The following PCDHA3 variants were observed in gnomAD, a reference collection of about 807,000 sequenced individuals.
PCDHA3 encodes protocadherin alpha-3.
In PCDHA3, 41 loss-of-function variants were observed where a neutral mutation model predicts 62.2. The observed-to-expected ratio is 0.66, with a 90% CI of 0.51 to 0.86. PCDHA3 has a LOEUF of 0.86. PCDHA3 is among the 40% of genes least tolerant of loss of function. The probability of loss-of-function intolerance (pLI) is 0.00; values close to 1 mark genes in which losing one functional copy is unlikely to be tolerated. For synonymous variants in PCDHA3, 640 were observed against 555.4 expected, an observed-to-expected ratio of 1.15 and a Z score of -2.14; for missense variants, 1,304 against 1,241.2, an observed-to-expected ratio of 1.05 and a Z score of -0.76.
intron 1 of PCDHA3, chr5:140,857,350 G>C: frequency 6.3e-7 from 1 of 1,598,502 alleles, no homozygotes; most frequent in Non-Finnish European, 8.6e-7. Context: ...CGCCTCCGCT[G>C]TGGGCCACGG....
intron 1 of PCDHA3, among the ~76,000 whole-genome samples, chr5:140,904,934 G>A (rs1181903303): frequency 6.6e-6 from 1 of 152,110 alleles, no homozygotes; most frequent in Non-Finnish European, 1.5e-5. Context: ...GTAGGTTCTG[G>A]ATATTAGTCC....
chr5:140,805,894 A>G (rs1763647869), intron 1 of PCDHA3, among the ~76,000 whole-genome samples: 1 of 152,176 alleles, frequency 6.6e-6, no homozygotes, highest in African/African-American at 2.4e-5. Context: ...GGAAGCAAAC[A>G]TTTTCTGCAG....
At chr5:140,984,254 G>A (rs553931247) in intron 3 of PCDHA3, among the ~76,000 whole-genome samples, 1 of 152,278 alleles carries the variant, frequency 6.6e-6, no homozygotes, top group East Asian at 1.9e-4. Flanking sequence ...GACCTGGTAA[G>A]CCACAAACTA....
chr5:140,925,282 T>C (rs1371569064), intron 1 of PCDHA3, among the ~76,000 whole-genome samples: 1 of 152,184 alleles, frequency 6.6e-6, no homozygotes, highest in Admixed American at 6.5e-5. Context: ...GATTTTGCCT[T>C]TCAAATGTTT....
In PCDHA3 at chr5:140,823,396, G is replaced by T. The variant is rs17844295; in HGVS notation, c.2394+19805G>T. Reference sequence around the variant, plus strand: ...CCAGGTGAGCGCGCGCGACGCGGGCGTGCCGCCTCTGGGCAGCAACGTGAC... The same window carrying T: ...CCAGGTGAGCGCGCGCGACGCGGGCTTGCCGCCTCTGGGCAGCAACGTGAC... On this transcript the variant is annotated intron_variant, in intron 1 of 3. Transcript: ENST00000522353. 31 of 1,612,796 alleles carry T rather than the reference G, an allele frequency of 1.9e-5. No homozygotes were observed. The East Asian group carries it at 6.5e-4, about 34-fold the overall frequency.
chr5:140,858,495 G>T, intron 1 of PCDHA3: 1 of 1,481,630 alleles, frequency 6.7e-7, no homozygotes, highest in Non-Finnish European at 9.2e-7. Flanking sequence ...TTCTCTTACC[G>T]CATTTTCTCA....
At chr5:140,870,491 T>C (rs781889223) in intron 1 of PCDHA3, 10 of 1,614,076 alleles carry the variant, frequency 6.2e-6, no homozygotes, top group Non-Finnish European at 8.5e-6. Context: ...ACCGTGTTCG[T>C]GAAGGAGAAC....
chr5:140,838,352 G>A (rs908927118), intron 1 of PCDHA3, among the ~76,000 whole-genome samples: 1 of 150,310 alleles, frequency 6.7e-6, no homozygotes, highest in African/African-American at 2.5e-5. Flanking sequence ...TCGAAATCTG[G>A]GACTCAAGTG....
chr5:140,823,235 C>T (rs2150123830), intron 1 of PCDHA3: 4 of 1,613,550 alleles, frequency 2.5e-6, no homozygotes, highest in African/African-American at 1.3e-5. Context: ...CAGGAGAACG[C>T]CCTGGTGTCC....
intron 1 of PCDHA3, chr5:140,968,409 C>G: frequency 3.7e-6 from 6 of 1,614,024 alleles, no homozygotes; most frequent in South Asian, 1.1e-5. Context: ...TTCTTTGTGA[C>G]TGTGGAGGCT....
intron 2 of PCDHA3, chr5:140,982,271 G>A: frequency 1.1e-6 from 1 of 930,566 alleles, no homozygotes; most frequent in South Asian, 1.9e-5. Flanking sequence ...TCCTGGAATA[G>A]TATAGCAGGC....
At chr5:140,841,254 A>G in intron 1 of PCDHA3, 9 of 1,510,716 alleles carry the variant, frequency 6.0e-6, no homozygotes, top group Non-Finnish European at 7.1e-6. Context: ...GGATTAAAAG[A>G]CTCTGAAAGT....
intron 1 of PCDHA3, among the ~76,000 whole-genome samples, chr5:140,873,040 T>C (rs2153278087): frequency 6.6e-6 from 1 of 152,312 alleles, no homozygotes; most frequent in South Asian, 2.1e-4. Flanking sequence ...CGTAGAGTGG[T>C]GGTATTACAG....
intron 1 of PCDHA3, among the ~76,000 whole-genome samples, chr5:140,912,293 C>T (rs1231004722): frequency 6.6e-6 from 1 of 152,110 alleles, no homozygotes; most frequent in Admixed American, 6.6e-5. Flanking sequence ...AATACTTTGC[C>T]TCCTGTAATC....
chr5:140,908,399 C>T (rs180728730), intron 1 of PCDHA3, among the ~76,000 whole-genome samples: 51 of 152,258 alleles, frequency 3.3e-4, no homozygotes, highest in African/African-American at 9.9e-4. Flanking sequence ...ACATATATAC[C>T]ACTTCCATTT....
At chr5:140,826,394 A>G (rs1158338213) in intron 1 of PCDHA3, among the ~76,000 whole-genome samples, 1 of 152,202 alleles carries the variant, frequency 6.6e-6, no homozygotes, top group African/African-American at 2.4e-5. Flanking sequence ...GAACTACTAA[A>G]TAGATCCAGG....
chr5:140,963,386 A>G (rs189164274), intron 1 of PCDHA3, among the ~76,000 whole-genome samples: 2 of 152,344 alleles, frequency 1.3e-5, no homozygotes, highest in Admixed American at 1.3e-4. Flanking sequence ...CTCTGTGCCA[A>G]GCTCCCTACT....
At chr5:140,844,657 C>G (rs1252310311) in intron 1 of PCDHA3, among the ~76,000 whole-genome samples, 1 of 149,150 alleles carries the variant, frequency 6.7e-6, no homozygotes, top group South Asian at 2.1e-4. Context: ...TCTTGCAAAC[C>G]AAACATATAA....
intron 3 of PCDHA3, among the ~76,000 whole-genome samples, chr5:140,996,991 T>C (rs191353108): frequency 1.6e-4 from 25 of 152,346 alleles, no homozygotes; most frequent in African/African-American, 5.3e-4. Flanking sequence ...GCAACCACTG[T>C]TAACAATTTT....
Sources: gnomAD v4.1 joint callset for allele counts (sites outside exome capture counted in the v4.1 genomes callset) on GRCh38, gnomAD v4.1.1 for gene constraint, MANE v1.5 for transcripts, NCBI Gene and HGNC (gene_info 2026-07-23, HGNC 2026-07-21) for gene names.